Variants in GRM7 observed in about 807,000 individuals in gnomAD.
GRM7 encodes the protein metabotropic glutamate receptor 7.
In GRM7, 35 loss-of-function variants were observed where a neutral mutation model predicts 84.5. The ratio of observed to expected loss-of-function variants is 0.41; its 90% CI spans 0.32 to 0.55. GRM7 has a LOEUF of 0.55. Among genes scored for constraint, GRM7 ranks in the 20% least tolerant of loss-of-function variants. The pLI is 0.19. For synonymous variants in GRM7, 487 were observed against 455.1 expected, an observed-to-expected ratio of 1.07 and a Z score of -0.89; for missense variants, 1,003 against 1,194.6, an observed-to-expected ratio of 0.84 and a Z score of 2.36.
intron 1 of GRM7, among the ~76,000 whole-genome samples, chr3:7,045,803 T>C (rs1371104036): frequency 6.6e-6 from 1 of 152,168 alleles, no homozygotes; most frequent in Non-Finnish European, 1.5e-5. Context: ...AGGTTGTTTC[T>C]ATATTTTGGT....
chr3:7,232,967 G>A (rs1697241543), intron 2 of GRM7, among the ~76,000 whole-genome samples: 1 of 152,128 alleles, frequency 6.6e-6, no homozygotes, highest in Admixed American at 6.6e-5. Context: ...GGAACACTTA[G>A]TTAATAAAGA....
At chr3:7,153,735 C>T (rs980392898) in intron 2 of GRM7, among the ~76,000 whole-genome samples, 2 of 151,884 alleles carry the variant, frequency 1.3e-5, no homozygotes, top group African/African-American at 4.8e-5. Flanking sequence ...ATGGTAGGTA[C>T]TATTTCAGAG....
intron 5 of GRM7, among the ~76,000 whole-genome samples, chr3:7,445,489 C>T (rs553308808): frequency 6.6e-5 from 10 of 152,216 alleles, no homozygotes; most frequent in Admixed American, 3.3e-4. Context: ...ACACGTGCTG[C>T]GGGTGGTGCT....
At chr3:7,047,169 ATTG>A (rs1463472108) in intron 1 of GRM7, among the ~76,000 whole-genome samples, 1 of 151,912 alleles carries the variant, frequency 6.6e-6, no homozygotes, top group Non-Finnish European at 1.5e-5. Flanking sequence ...AAAATAATTC[ATTG>A]TTGTATTTTC....
intron 1 of GRM7, among the ~76,000 whole-genome samples, chr3:6,963,897 T>A (rs113656011): frequency 5.3e-5 from 8 of 152,332 alleles, no homozygotes; most frequent in African/African-American, 1.9e-4. Context: ...GCTGAAGTTC[T>A]GTTGGAGTTT....
rs191822537 is a variant in GRM7, at chr3:7,485,568, C to T, written c.1515+23846C>T. ...TGAAATAAGTTGGAAAAATTAATTT[C>T]AAGAAATTTAAACACAAAAGATTTA... On this transcript the variant is annotated intron_variant, in intron 7 of 9. Transcript: ENST00000357716. Among the ~76,000 whole-genome samples the T allele has an allele frequency of 2.1e-3, 327 of 152,258 alleles. 2 individuals carry two copies. The highest frequency in any genetic ancestry group is 3.0e-3 in the Non-Finnish European group (205 of 68,014).
chr3:7,546,222 T>G (rs1693140920), intron 7 of GRM7, among the ~76,000 whole-genome samples: 1 of 152,208 alleles, frequency 6.6e-6, no homozygotes. Flanking sequence ...TTGGAAAGAA[T>G]GGTAGAGTCA....
intron 3 of GRM7, among the ~76,000 whole-genome samples, 176 bp downstream of exon 3, chr3:7,299,001 G>GT (rs1226825890): frequency 6.6e-6 from 1 of 151,982 alleles, no homozygotes; most frequent in Non-Finnish European, 1.5e-5. Context: ...TTATGGTCAC[G>GT]TGTTTTCCCT....
At chr3:7,325,455 A>G (rs564869639) in intron 4 of GRM7, among the ~76,000 whole-genome samples, 72 of 152,220 alleles carry the variant, frequency 4.7e-4, no homozygotes, top group African/African-American at 1.6e-3. Context: ...CTGGAGTAGG[A>G]TAAAAGTCTT....
chr3:7,232,627 A>G (rs895879296), intron 2 of GRM7, among the ~76,000 whole-genome samples: 1 of 152,200 alleles, frequency 6.6e-6, no homozygotes, highest in Admixed American at 6.5e-5. Flanking sequence ...GCAGTTTGTA[A>G]TGAGAGGCTT....
At chr3:7,276,177 C>T (rs1699042132) in intron 2 of GRM7, among the ~76,000 whole-genome samples, 1 of 146,774 alleles carries the variant, frequency 6.8e-6, no homozygotes, top group East Asian at 2.0e-4. Flanking sequence ...AAAACTTAAC[C>T]ATTATTTTTT....
rs1401003589 is a variant in GRM7 at position 6,935,065 on chromosome 3, G to A, written c.519+73158G>A. On this transcript the variant is annotated intron_variant, in intron 1 of 9. Coordinates refer to ENST00000357716, the MANE Select transcript of GRM7 (RefSeq NM_000844.4). ...ATTTCATCTTGCATCCCTTGCCCTC[G>A]GCACTAACCCTAGAACAAACATGAA... 2.0e-5 allele frequency among the ~76,000 whole-genome samples: 3 copies of A among 152,046 alleles called. No homozygotes were observed. The East Asian group carries it at 5.8e-4, about 29-fold the overall frequency.
intron 2 of GRM7, among the ~76,000 whole-genome samples, chr3:7,148,899 T>A (rs1190591268): frequency 6.6e-6 from 1 of 152,132 alleles, no homozygotes; most frequent in African/African-American, 2.4e-5. Flanking sequence ...AAACAGTGAA[T>A]GTTTAGGTGA....
intron 9 of GRM7, chr3:7,681,398 A>T (rs1274662458): frequency 1.3e-5 from 2 of 152,252 alleles, no homozygotes; most frequent in Admixed American, 1.3e-4. Flanking sequence ...CTTTAATAAA[A>T]ACCAAGAAGC....
intron 1 of GRM7, among the ~76,000 whole-genome samples, chr3:7,027,110 T>C (rs1419240161): frequency 6.6e-6 from 1 of 152,236 alleles, no homozygotes; most frequent in Non-Finnish European, 1.5e-5. Flanking sequence ...GACCCCTATA[T>C]TCTTGTGGCA....
At chr3:7,616,524 T>G (rs1559441755) in intron 8 of GRM7, among the ~76,000 whole-genome samples, 1 of 152,176 alleles carries the variant, frequency 6.6e-6, no homozygotes, top group Non-Finnish European at 1.5e-5. Flanking sequence ...TATGCAGCTA[T>G]CTTTCATGAC....
chr3:6,943,109 A>G (rs779762239), intron 1 of GRM7, among the ~76,000 whole-genome samples: 3 of 151,982 alleles, frequency 2.0e-5, no homozygotes, highest in Non-Finnish European at 4.4e-5. Flanking sequence ...TTCTAGAGAC[A>G]AGTTCTTTAT....
At chr3:7,587,961 C>T (rs1399218704) in intron 8 of GRM7, among the ~76,000 whole-genome samples, 8 of 152,232 alleles carry the variant, frequency 5.3e-5, no homozygotes, top group Admixed American at 4.6e-4. Context: ...TGATTCTCCT[C>T]CCATCTCTGC....
At chr3:7,115,246 G>C (rs1007937174) in intron 1 of GRM7, among the ~76,000 whole-genome samples, 3 of 152,068 alleles carry the variant, frequency 2.0e-5, no homozygotes, top group African/African-American at 7.2e-5. Flanking sequence ...ACAAACTTTA[G>C]GACAATGTTG....
Sources: gnomAD v4.1 joint callset for allele counts (sites outside exome capture counted in the v4.1 genomes callset) on GRCh38, gnomAD v4.1.1 for gene constraint, MANE v1.5 for transcripts, NCBI Gene and HGNC (gene_info 2026-07-23, HGNC 2026-07-21) for gene names.